Variants in LSAMP observed in about 807,000 individuals in gnomAD.
LSAMP encodes the protein limbic system associated membrane protein.
In LSAMP, 7 loss-of-function variants were observed where a neutral mutation model predicts 38.6. The ratio of observed to expected loss-of-function variants is 0.18; its 90% CI spans 0.10 to 0.34. LSAMP has a LOEUF of 0.34. Among genes scored for constraint, LSAMP ranks in the 10% least tolerant of loss-of-function variants. LSAMP has a pLI of 1.00. For missense variants in LSAMP, 313 were observed against 420.0 expected (o/e 0.75, Z 2.23); for synonymous variants, 154 against 166.8 (o/e 0.92, Z 0.59).
intron 1 of LSAMP, among the ~76,000 whole-genome samples, chr3:116,116,713 C>T (rs1430492907): frequency 6.6e-6 from 1 of 151,116 alleles, no homozygotes; most frequent in Admixed American, 6.6e-5. Context: ...GAGATTCCAT[C>T]TCAAATAATA....
chr3:116,426,406 A>AGCT (rs2049196522), intron 1 of LSAMP, among the ~76,000 whole-genome samples: 1 of 144,820 alleles, frequency 6.9e-6, no homozygotes, highest in South Asian at 2.2e-4. Context: ...GGTTGCAGTG[A>AGCT]GCTGAGATCA....
intron 1 of LSAMP, among the ~76,000 whole-genome samples, chr3:116,220,390 CACACAA>C (rs1260477318): frequency 8.5e-5 from 11 of 129,778 alleles, no homozygotes; most frequent in Admixed American, 1.6e-4. Context: ...CACACACACA[CACACAA>C]AAGATACTTC....
intron 6 of LSAMP, chr3:115,837,815 A>G (rs1934844415): frequency 6.6e-6 from 1 of 152,240 alleles, no homozygotes; most frequent in Non-Finnish European, 1.5e-5. Context: ...AGCCTTACTT[A>G]GTTGCACTAG....
intron 3 of LSAMP, among the ~76,000 whole-genome samples, chr3:116,012,681 T>TTTTAAA (rs1940364724): frequency 6.6e-6 from 1 of 152,184 alleles, no homozygotes; most frequent in African/African-American, 2.4e-5. Context: ...TCCCCGTGGT[T>TTTTAAA]ATTGTGCTGG....
chr3:116,306,673 T>A (rs965480869), intron 1 of LSAMP, among the ~76,000 whole-genome samples: 7 of 151,924 alleles, frequency 4.6e-5, no homozygotes, highest in African/African-American at 1.7e-4. Flanking sequence ...GGAAAAGAGA[T>A]GAGTTGGAAA....
chr3:116,215,766 A>G (rs1439323167), intron 1 of LSAMP, among the ~76,000 whole-genome samples: 1 of 152,188 alleles, frequency 6.6e-6, no homozygotes, highest in Admixed American at 6.5e-5. Context: ...GTACAATGGC[A>G]CAATAATCAG....
Position 116,019,613 on chromosome 3 carries a change from G to A in LSAMP, c.416C>T (p.Ser139Leu), listed in dbSNP as rs754919566. The change falls in exon 3 of 7, where the codon TCG (serine) becomes TTG (leucine). Residue 139 changes from serine (S) to leucine (L), a missense_variant. Transcript: ENST00000490035. Reference sequence around the variant, plus strand: ...GCTGCCCTCATTCACAGTGACATCCGAGGAGATATTGGAGATCTTTGGTGG... The same window carrying A: ...GCTGCCCTCATTCACAGTGACATCCAAGGAGATATTGGAGATCTTTGGTGG... ...QVPPKISNIS[S>L]DVTVNEGSNV... 14 of 1,612,634 alleles carry A rather than the reference G, an allele frequency of 8.7e-6. No individual in the cohort carries two copies. The highest frequency in any genetic ancestry group is 3.3e-5 in the South Asian group (3 of 91,044).
At chr3:116,043,789 C>CA (rs1263705417) in intron 2 of LSAMP, among the ~76,000 whole-genome samples, 3 of 152,080 alleles carry the variant, frequency 2.0e-5, no homozygotes, top group Non-Finnish European at 4.4e-5. Flanking sequence ...ACTAAATATA[C>CA]AAAAAATTAG....
intron 1 of LSAMP, among the ~76,000 whole-genome samples, chr3:116,113,446 G>C (rs1221321563): frequency 2.7e-5 from 1 of 36,706 alleles, no homozygotes; most frequent in Non-Finnish European, 5.4e-5. Context: ...TTTTTTTTGA[G>C]ATGGAGTCTC....
rs1933615140 is a variant in LSAMP, at chr3:115,805,737, C to T, written c.*4580G>A. 6.6e-6 allele frequency: 1 copy of T among 152,190 alleles called. No individual in the cohort carries two copies. The highest frequency in any genetic ancestry group is 1.5e-5 in the Non-Finnish European group (1 of 68,038). The allele number at this position is 152,190 out of a possible 1,614,324, so 9.4% of individuals were successfully genotyped here. The stretch of plus-strand genomic sequence containing the variant: ...GGTTGGCGACATTTGAACAGCATAG[C>T]TACATGCAAATGAGAATAGTTTACT... On this transcript the variant is annotated 3_prime_UTR_variant, in exon 7 of 7. Coordinates refer to ENST00000490035, the MANE Select transcript of LSAMP (RefSeq NM_002338.5).
At chr3:115,811,519 CACTT>C (rs1933831108) in intron 6 of LSAMP, among the ~76,000 whole-genome samples, 1 of 151,956 alleles carries the variant, frequency 6.6e-6, no homozygotes, top group Admixed American at 6.6e-5. Flanking sequence ...AATTGTCAGT[CACTT>C]AAAAATTTTG....
intron 3 of LSAMP, among the ~76,000 whole-genome samples, chr3:115,951,439 T>C (rs1938284998): frequency 6.6e-6 from 1 of 151,974 alleles, no homozygotes. Flanking sequence ...AAAAAAATAG[T>C]CCCATCAGAA....
chr3:116,248,476 A>AGT (rs1559798607), intron 1 of LSAMP, among the ~76,000 whole-genome samples: 1 of 102,804 alleles, frequency 9.7e-6, no homozygotes, highest in African/African-American at 4.7e-5. Flanking sequence ...CCCTGTCTCT[A>AGT]ATGTGTGTGT....
intron 1 of LSAMP, among the ~76,000 whole-genome samples, chr3:116,220,962 G>A (rs1018768130): frequency 1.3e-5 from 2 of 151,966 alleles, no homozygotes; most frequent in Non-Finnish European, 2.9e-5. Context: ...AGACCATCCT[G>A]GCTAACACGG....
intron 2 of LSAMP, among the ~76,000 whole-genome samples, chr3:116,065,568 A>G (rs1266097152): frequency 6.6e-6 from 1 of 151,920 alleles, no homozygotes; most frequent in East Asian, 1.9e-4. Context: ...ATCATAATCC[A>G]CTCCATTTCT....
intron 3 of LSAMP, among the ~76,000 whole-genome samples, chr3:115,935,604 G>T (rs1265689470): frequency 1.3e-5 from 2 of 152,124 alleles, no homozygotes; most frequent in Non-Finnish European, 2.9e-5. Flanking sequence ...TACGAGAGTT[G>T]ATTGGGTAGC....
rs150658137 is a variant in LSAMP, at chr3:116,385,664, C to T, written c.155+59213G>A. Among the ~76,000 whole-genome samples the T allele has an allele frequency of 6.1e-3, 925 of 152,218 alleles. 4 individuals carry two copies. Among genetic ancestry groups the T allele is most frequent in the Non-Finnish European group, 8.4e-3 (574 of 68,020 alleles). ...TGATTATTAAGAGACTCTTGTAAGT[C>T]ACCCTGTATTTTATTGGAATGTCTT... On this transcript the variant is annotated intron_variant, in intron 1 of 6. Coordinates refer to ENST00000490035, the MANE Select transcript of LSAMP (RefSeq NM_002338.5).
intron 2 of LSAMP, among the ~76,000 whole-genome samples, chr3:116,066,158 G>A (rs755261437): frequency 3.9e-4 from 59 of 152,234 alleles, no homozygotes; most frequent in Middle Eastern, 6.8e-3. Flanking sequence ...ATAGATGGCT[G>A]ACTTTTCACT....
chr3:116,111,612 CCTTT>C lies in LSAMP; in HGVS notation c.156-25060_156-25057del, dbSNP rs1404083385. Among the ~76,000 whole-genome samples the C allele has an allele frequency of 4.6e-5, 7 of 151,474 alleles. No homozygotes were observed. In the South Asian group the frequency reaches 6.2e-4, roughly 14 times the overall value. On this transcript the variant is annotated intron_variant, in intron 1 of 6. Transcript: ENST00000490035. Reference sequence around the variant, plus strand: ...ACCTTAGTAGTCTTTTTTTCCTTTTCCTTTCTTCTCCCCCTTTTAACACTCATTT... The same window carrying C: ...ACCTTAGTAGTCTTTTTTTCCTTTTCCTTCTCCCCCTTTTAACACTCATTT...
Sources: allele counts gnomAD v4.1 joint callset (sites outside exome capture counted in the v4.1 genomes callset), GRCh38; gene constraint gnomAD v4.1.1; transcripts MANE v1.5; gene names NCBI Gene and HGNC (gene_info 2026-07-23, HGNC 2026-07-21).